Variants in LRRC4C observed in about 807,000 individuals in gnomAD.
The protein encoded by LRRC4C is leucine-rich repeat-containing protein 4C.
In LRRC4C, 5 loss-of-function variants were observed where a neutral mutation model predicts 33.6. The ratio of observed to expected loss-of-function variants is 0.15; its 90% CI spans 0.08 to 0.31. The LOEUF is 0.31. LRRC4C is among the 10% of genes least tolerant of loss of function. The pLI is 1.00. For synonymous variants in LRRC4C, 329 were observed against 302.0 expected (o/e 1.09, Z -0.93); for missense variants, 560 against 796.7 (o/e 0.70, Z 3.58).
intron 2 of LRRC4C, among the ~76,000 whole-genome samples, chr11:40,865,905 G>C (rs1451821175): frequency 6.6e-6 from 1 of 151,664 alleles, no homozygotes; most frequent in Non-Finnish European, 1.5e-5. Context: ...TTCCCGAAGA[G>C]TGAAAACTAT....
At chr11:40,637,654 G>A (rs942895149) in intron 3 of LRRC4C, among the ~76,000 whole-genome samples, 3 of 152,064 alleles carry the variant, frequency 2.0e-5, no homozygotes, top group African/African-American at 7.2e-5. Flanking sequence ...CTTACAACCT[G>A]TCTTTAATCA....
intron 2 of LRRC4C, among the ~76,000 whole-genome samples, chr11:40,707,420 G>A (rs2136546100): frequency 6.6e-6 from 1 of 152,260 alleles, no homozygotes; most frequent in Non-Finnish European, 1.5e-5. Flanking sequence ...TTAGCATGAA[G>A]GGCTGTTGAA....
At chr11:40,871,893 A>G (rs1269946727) in intron 2 of LRRC4C, among the ~76,000 whole-genome samples, 3 of 152,014 alleles carry the variant, frequency 2.0e-5, no homozygotes, top group Non-Finnish European at 4.4e-5. Context: ...AAATCTTTGA[A>G]CTTGTGTCCT....
chr11:41,176,409 C>A (rs1478071523), intron 1 of LRRC4C, among the ~76,000 whole-genome samples: 4 of 152,060 alleles, frequency 2.6e-5, no homozygotes, highest in Admixed American at 2.6e-4. Context: ...CAATAATTCC[C>A]AGTCAATTAC....
intron 2 of LRRC4C, among the ~76,000 whole-genome samples, chr11:40,704,784 T>A (rs1009337851): frequency 5.3e-5 from 8 of 152,176 alleles, no homozygotes; most frequent in African/African-American, 1.9e-4. Flanking sequence ...TTAGCTATTA[T>A]TAACAATATC....
chr11:40,510,413 C>A (rs1221796477), intron 3 of LRRC4C, among the ~76,000 whole-genome samples: 3 of 151,704 alleles, frequency 2.0e-5, no homozygotes, highest in South Asian at 2.1e-4. Context: ...TGTGCATACA[C>A]CATAAATAAA....
At chr11:40,881,927 G>T (rs757787910) in intron 2 of LRRC4C, among the ~76,000 whole-genome samples, 2 of 152,002 alleles carry the variant, frequency 1.3e-5, no homozygotes, top group Non-Finnish European at 2.9e-5. Context: ...TAGGATTCAA[G>T]AATCCCCTGC....
intron 3 of LRRC4C, among the ~76,000 whole-genome samples, chr11:40,594,696 G>A (rs1431393826): frequency 1.1e-4 from 17 of 152,300 alleles, no homozygotes; most frequent in Middle Eastern, 3.4e-3. Flanking sequence ...AACACAGGTT[G>A]TCTAAATTGT....
At chr11:40,602,056 G>C (rs1250375319) in intron 3 of LRRC4C, among the ~76,000 whole-genome samples, 1 of 151,804 alleles carries the variant, frequency 6.6e-6, no homozygotes, top group Non-Finnish European at 1.5e-5. Flanking sequence ...TTAGCTGGGT[G>C]TGGTGGCGCG....
chr11:41,104,759 A>C (rs1043435221), intron 1 of LRRC4C, among the ~76,000 whole-genome samples: 1 of 152,006 alleles, frequency 6.6e-6, no homozygotes, highest in Admixed American at 6.6e-5. Flanking sequence ...TATCCATACA[A>C]CAGAATAATA....
At chr11:40,181,485 A>G (rs1861000918) in intron 5 of LRRC4C, among the ~76,000 whole-genome samples, 1 of 152,144 alleles carries the variant, frequency 6.6e-6, no homozygotes, top group Admixed American at 6.5e-5. Context: ...GTACACTACA[A>G]ATTAGGAAAA....
intron 2 of LRRC4C, among the ~76,000 whole-genome samples, chr11:40,834,804 A>G (rs1952587657): frequency 6.6e-6 from 1 of 152,032 alleles, no homozygotes; most frequent in Non-Finnish European, 1.5e-5. Context: ...CAACATGTCT[A>G]AAGCCACATC....
chr11:40,769,164 G>C (rs1949629988), intron 2 of LRRC4C, among the ~76,000 whole-genome samples: 1 of 148,172 alleles, frequency 6.7e-6, no homozygotes, highest in African/African-American at 2.4e-5. Context: ...TACAAAGTGA[G>C]TAAAACTTTA....
intron 1 of LRRC4C, among the ~76,000 whole-genome samples, chr11:41,264,175 T>A (rs1462688845): frequency 6.6e-6 from 1 of 150,532 alleles, no homozygotes; most frequent in African/African-American, 2.4e-5. Context: ...CACTGCAACC[T>A]CCGCCTCCTG....
In LRRC4C at chr11:41,151,391, C is replaced by T. The variant is rs116219238; in HGVS notation, c.-495-217668G>A. 5.6e-3 allele frequency among the ~76,000 whole-genome samples: 846 copies of T among 152,242 alleles called. 9 individuals carry two copies. The highest frequency in any genetic ancestry group is 0.019 in the African/African-American group (771 of 41,542). On this transcript the variant is annotated intron_variant, in intron 1 of 6. Coordinates refer to ENST00000528697, the MANE Select transcript of LRRC4C (RefSeq NM_001258419.2). Reference sequence around the variant, plus strand: ...AGGTGATAGAGAAATATCTTCTTGCCTTATCATCTGACTCAAGGTGAAGTG... The same window carrying T: ...AGGTGATAGAGAAATATCTTCTTGCTTTATCATCTGACTCAAGGTGAAGTG...
intron 2 of LRRC4C, among the ~76,000 whole-genome samples, chr11:40,691,439 C>T (rs914920936): frequency 2.2e-4 from 34 of 152,076 alleles, no homozygotes; most frequent in African/African-American, 7.7e-4. Context: ...TCACATAAAC[C>T]TCACAGCAAC....
intron 1 of LRRC4C, among the ~76,000 whole-genome samples, chr11:41,174,266 A>G (rs1945101832): frequency 6.6e-6 from 1 of 152,150 alleles, no homozygotes; most frequent in Non-Finnish European, 1.5e-5. Flanking sequence ...TCCCTAAAAA[A>G]TAATTAAATG....
chr11:40,840,549 C>G (rs1253435777), intron 2 of LRRC4C, among the ~76,000 whole-genome samples: 2 of 152,114 alleles, frequency 1.3e-5, no homozygotes, highest in Non-Finnish European at 2.9e-5. Flanking sequence ...AGAACATGGA[C>G]TTGAAAATAG....
chr11:41,393,977 T>C lies in LRRC4C; in HGVS notation c.-496+65454A>G, dbSNP rs566242749. 3.6e-4 allele frequency among the ~76,000 whole-genome samples: 55 copies of C among 152,020 alleles called. No homozygotes were observed. In the Middle Eastern group the frequency reaches 0.017, roughly 47 times the overall value. ...ATTTTTTTTAAGTAGTTCTTGTAAG[T>C]CTAGATGTCAGCCAAAATCCCTCAT... is the stretch of plus-strand genomic sequence containing the variant. On this transcript the variant is annotated intron_variant, in intron 1 of 6. Transcript: ENST00000528697.
Sources: allele counts gnomAD v4.1 joint callset (sites outside exome capture counted in the v4.1 genomes callset), GRCh38; gene constraint gnomAD v4.1.1; transcripts MANE v1.5; gene names NCBI Gene and HGNC (gene_info 2026-07-23, HGNC 2026-07-21).